Variants in OSBPL10 observed in about 807,000 individuals in gnomAD.
OSBPL10 encodes oxysterol-binding protein-related protein 10.
OSBPL10 carries 49 observed loss-of-function variants against 81.7 expected under a neutral mutation model. That is an observed-to-expected ratio of 0.60 (90% CI 0.48 to 0.76). The LOEUF is 0.76. OSBPL10 is among the 30% of genes least tolerant of loss of function. The pLI is 0.00. For missense variants in OSBPL10, 923 were observed against 987.8 expected (o/e 0.93, Z 0.88); for synonymous variants, 419 against 383.6 (o/e 1.09, Z -1.08).
chr3:31,921,208 T>C (rs1177716604), intron 1 of OSBPL10, among the ~76,000 whole-genome samples: 1 of 152,218 alleles, frequency 6.6e-6, no homozygotes, highest in Non-Finnish European at 1.5e-5. Context: ...TTTTAAAATA[T>C]GTGTATATAT....
chr3:31,896,493 T>G (rs971494135), intron 1 of OSBPL10, among the ~76,000 whole-genome samples: 7 of 152,176 alleles, frequency 4.6e-5, no homozygotes, highest in Non-Finnish European at 8.8e-5. Flanking sequence ...GGAATCCAGT[T>G]GTGGAGACGC....
At chr3:31,841,796 G>A (rs898181662) in intron 3 of OSBPL10, among the ~76,000 whole-genome samples, 1 of 152,122 alleles carries the variant, frequency 6.6e-6, no homozygotes, top group African/African-American at 2.4e-5. Flanking sequence ...TATTTGTGCT[G>A]CTGTACTTAT....
rs145097507 is a variant in OSBPL10, at chr3:31,740,857, T to TTATATATATATATATATATATATATA, written c.940+7052_940+7053insTATATATATATATATATATATATATA. ...AACTTAATATGACCACTACTAGAAT[T>TTATATATATATATATATATATATATA]TATATATATATGTCATATTTCTTCC... is the stretch of plus-strand genomic sequence containing the variant. On this transcript the variant is annotated intron_variant, in intron 5 of 11. Coordinates refer to ENST00000396556, the MANE Select transcript of OSBPL10 (RefSeq NM_017784.5). Among the ~76,000 whole-genome samples the TTATATATATATATATATATATATATA allele has an allele frequency of 9.0e-4, 123 of 136,392 alleles. 8 individuals carry two copies. The highest frequency in any genetic ancestry group is 3.3e-3 in the African/African-American group (99 of 29,770). The allele number at this position is 136,392 out of a possible 152,430, so 89.5% of individuals were successfully genotyped here.
In OSBPL10 at chr3:31,971,392, G is replaced by A. The variant is rs530403622; in HGVS notation, c.281+9507C>T. On this transcript the variant is annotated intron_variant, in intron 1 of 11. Coordinates refer to ENST00000396556, the MANE Select transcript of OSBPL10 (RefSeq NM_017784.5). ...TGACCTCAGGTGATCCACCCACCTC[G>A]GCCTCCCAGTGTGCTGGGATTACAG... is the stretch of plus-strand genomic sequence containing the variant. 4.6e-5 allele frequency among the ~76,000 whole-genome samples: 7 copies of A among 152,150 alleles called. No individual in the cohort carries two copies. The South Asian group carries it at 1.0e-3, about 23-fold the overall frequency.
intron 3 of OSBPL10, among the ~76,000 whole-genome samples, chr3:31,871,586 A>G (rs1559499885): frequency 6.6e-6 from 1 of 152,240 alleles, no homozygotes; most frequent in African/African-American, 2.4e-5. Context: ...AAAAACTACA[A>G]GAAGCCAGGC....
Position 32,060,905 on chromosome 3 carries a change from G to A in OSBPL10, n.186-14302C>T, listed in dbSNP as rs551367446. ...GGAGAACCGCTTGAACCTGGGAGGC[G>A]GAGGTTTCGGTGAGCCGAGATCACA... On this transcript the variant is annotated intron_variant and non_coding_transcript_variant, in intron 1 of 3. Coordinates refer to the OSBPL10 transcript ENST00000479173. Among the ~76,000 whole-genome samples, 3 of 82,134 alleles carry A rather than the reference G, an allele frequency of 3.7e-5. 1 individual carries two copies. The East Asian group carries it at 8.3e-4, about 23-fold the overall frequency. The allele number at this position is 82,134 out of a possible 152,430, so 53.9% of individuals were successfully genotyped here. A position where few individuals can be genotyped will look rare whatever the true frequency, so the allele number is the denominator to read the frequency against.
chr3:31,962,569 A>G (rs1421946466), intron 1 of OSBPL10, among the ~76,000 whole-genome samples: 1 of 152,116 alleles, frequency 6.6e-6, no homozygotes, highest in Non-Finnish European at 1.5e-5. Flanking sequence ...TTAAATGGGA[A>G]CCAGCACAGG....
intron 3 of OSBPL10, among the ~76,000 whole-genome samples, chr3:31,845,643 A>G (rs968956353): frequency 6.6e-6 from 1 of 152,226 alleles, no homozygotes; most frequent in African/African-American, 2.4e-5. Flanking sequence ...GACTTCACCA[A>G]GAGGAAATGC....
chr3:31,703,112 T>C (rs1695951514), intron 6 of OSBPL10, among the ~76,000 whole-genome samples: 1 of 152,230 alleles, frequency 6.6e-6, no homozygotes, highest in Non-Finnish European at 1.5e-5. Flanking sequence ...GGATTCACAC[T>C]GGCCAACATA....
At chr3:31,773,807 G>C (rs547923493) in intron 4 of OSBPL10, among the ~76,000 whole-genome samples, 1 of 152,336 alleles carries the variant, frequency 6.6e-6, no homozygotes, top group South Asian at 2.1e-4. Context: ...ACACTGCCTG[G>C]CATCTCTCTT....
At chr3:31,783,789 TAAAAAAAAAAAAAA>T (rs869137696) in intron 4 of OSBPL10, among the ~76,000 whole-genome samples, 1 of 19,960 alleles carries the variant, frequency 5.0e-5, no homozygotes, top group Non-Finnish European at 9.6e-5. Context: ...AGACTCCGAT[TAAAAAAAAAAAAAA>T]AAAAAAAAAA....
chr3:31,823,775 CCATT>C (rs1387378423), intron 4 of OSBPL10, among the ~76,000 whole-genome samples: 2 of 152,016 alleles, frequency 1.3e-5, no homozygotes, highest in Admixed American at 1.3e-4. Flanking sequence ...CAGCACATCT[CCATT>C]CATACTGTGC....
At chr3:31,924,132 T>C (rs1042122478) in intron 1 of OSBPL10, among the ~76,000 whole-genome samples, 4 of 150,780 alleles carry the variant, frequency 2.7e-5, no homozygotes, top group Admixed American at 2.0e-4. Flanking sequence ...GCAAGGAGAA[T>C]TGCTTGAACC....
At position 31,753,980 on chromosome 3, in the gene OSBPL10, A is replaced by G. The variant is rs962156700; in HGVS notation, c.730-5860T>C. Among the ~76,000 whole-genome samples, 41 of 151,748 alleles carry G rather than the reference A, an allele frequency of 2.7e-4. 1 individual carries two copies. The highest frequency in any genetic ancestry group is 9.7e-4 in the African/African-American group (40 of 41,252). On this transcript the variant is annotated intron_variant, in intron 4 of 11. Coordinates refer to ENST00000396556, the MANE Select transcript of OSBPL10 (RefSeq NM_017784.5). ...TGGAGAGCTGGCTTTCCAATCCACAACCCCCTTCTCCAAACATCTGAGTGT... is the reference window on the plus strand; with the variant it reads ...TGGAGAGCTGGCTTTCCAATCCACAGCCCCCTTCTCCAAACATCTGAGTGT...
intron 3 of OSBPL10, among the ~76,000 whole-genome samples, chr3:31,870,499 G>C (rs71612100): frequency 2.6e-5 from 4 of 152,212 alleles, no homozygotes; most frequent in South Asian, 4.1e-4. Context: ...TGAGGAGTGC[G>C]AATGCATGGC....
chr3:31,770,023 C>T (rs139294937), intron 4 of OSBPL10, among the ~76,000 whole-genome samples: 1,620 of 152,160 alleles, frequency 0.011, 11 homozygotes, highest in Non-Finnish European at 0.018. Flanking sequence ...GCATTTTCCT[C>T]CTAAGGAAAG....
intron 4 of OSBPL10, among the ~76,000 whole-genome samples, chr3:31,794,290 G>A (rs544180943): frequency 9.2e-5 from 14 of 152,234 alleles, no homozygotes; most frequent in Admixed American, 1.3e-4. Context: ...GATTACAGGC[G>A]CACGCCACCA....
chr3:31,681,682 T>C (rs1700646614), intron 8 of OSBPL10, among the ~76,000 whole-genome samples: 1 of 152,174 alleles, frequency 6.6e-6, no homozygotes, highest in Non-Finnish European at 1.5e-5. Flanking sequence ...CCCATTCCAT[T>C]CAGTCTACTT....
intron 1 of OSBPL10, among the ~76,000 whole-genome samples, chr3:31,958,512 A>G (rs1271805392): frequency 6.6e-6 from 1 of 152,218 alleles, no homozygotes; most frequent in Non-Finnish European, 1.5e-5. Flanking sequence ...AAGACTCAAA[A>G]GAAATGCACA....
Sources: gnomAD v4.1 joint callset for allele counts (sites outside exome capture counted in the v4.1 genomes callset) on GRCh38, gnomAD v4.1.1 for gene constraint, MANE v1.5 for transcripts, NCBI Gene and HGNC (gene_info 2026-07-23, HGNC 2026-07-21) for gene names.